RNF128: variants seen among roughly 807,000 people sequenced by gnomAD.
RNF128 encodes E3 ubiquitin-protein ligase RNF128.
RNF128 carries 13 observed loss-of-function variants against 26.2 expected under a neutral mutation model. The observed-to-expected ratio is 0.50, with a 90% CI of 0.32 to 0.79. RNF128 has a LOEUF of 0.79. RNF128 is among the 30% of genes least tolerant of loss of function. The probability of loss-of-function intolerance (pLI) is 0.03; values close to 1 mark genes in which losing one functional copy is unlikely to be tolerated. For synonymous variants in RNF128, 149 were observed against 142.5 expected, an observed-to-expected ratio of 1.05 and a Z score of -0.32; for missense variants, 315 against 349.7, an observed-to-expected ratio of 0.90 and a Z score of 0.79.
Position 106,727,366 on chromosome X carries a change from C to T in RNF128, c.453C>T (p.Thr151=). ...CCGTCATCTTTAACTTCCCCGGGACCCGCAATGAGGTCATCCCCATGTCTC... is the reference window on the plus strand; with the variant it reads ...CCGTCATCTTTAACTTCCCCGGGACTCGCAATGAGGTCATCCCCATGTCTC... ...SGAVIFNFPG[T]RNEVIPMSHP... Residue 151 remains threonine, a synonymous_variant, in exon 1 of 7, where the codon ACC becomes ACT. Transcript: ENST00000255499. 8.3e-7 allele frequency: 1 copy of T among 1,211,575 alleles called. No homozygotes were observed. The highest frequency in any genetic ancestry group is 1.1e-6 in the Non-Finnish European group (1 of 895,421).
At chrX:106,776,412 A>T (rs1371235615) in intron 2 of RNF128, among the ~76,000 whole-genome samples, 1 of 112,087 alleles carries the variant, frequency 8.9e-6, no homozygotes, top group Non-Finnish European at 1.9e-5. Context: ...GAAGAAAAGG[A>T]TTTACTAACT....
intron 1 of RNF128, among the ~76,000 whole-genome samples, chrX:106,765,561 G>C (rs1443136603): frequency 9.0e-6 from 1 of 111,317 alleles, no homozygotes; most frequent in African/African-American, 3.3e-5. Flanking sequence ...GCACTCTCTG[G>C]CAAAATTACC....
chrX:106,787,040 C>T (rs1930669539), intron 3 of RNF128, among the ~76,000 whole-genome samples: 1 of 110,906 alleles, frequency 9.0e-6, no homozygotes. Flanking sequence ...AAATGTTTGG[C>T]AGTTCCTTAT....
intron 1 of RNF128, among the ~76,000 whole-genome samples, chrX:106,764,557 C>T (rs1179504027): frequency 1.8e-5 from 2 of 109,512 alleles, no homozygotes; most frequent in African/African-American, 6.7e-5. Context: ...ATGCCAGCTA[C>T]TCGGGAGGCT....
rs1285405595 is a variant in RNF128 at position 106,785,004 on chromosome X, T to C, written c.733-61T>C. The stretch of plus-strand genomic sequence containing the variant: ...AAATATTTATTGATCCTCTCTATCT[T>C]TTTCATCATACTTCTTTTAAAAAAT... On this transcript the variant is annotated intron_variant, in intron 2 of 6. Transcript: ENST00000255499. 2.0e-5 allele frequency: 17 copies of C among 842,925 alleles called. No individual in the cohort carries two copies. In the East Asian group the frequency reaches 5.1e-4, roughly 25 times the overall value. 69.5% of individuals were successfully genotyped at this position (842,925 alleles called of 1,213,427 possible). A position where few individuals can be genotyped will look rare whatever the true frequency, so the allele number is the denominator to read the frequency against.
intron 1 of RNF128, among the ~76,000 whole-genome samples, chrX:106,696,102 A>T (rs1928869415): frequency 8.9e-6 from 1 of 111,788 alleles, no homozygotes; most frequent in Admixed American, 9.6e-5. Context: ...AAGACACATG[A>T]TCAAAAATAT....
chrX:106,777,701 C>G (rs1034170271), intron 2 of RNF128, among the ~76,000 whole-genome samples: 1 of 111,829 alleles, frequency 8.9e-6, no homozygotes, highest in Non-Finnish European at 1.9e-5. Context: ...AATTTATTTT[C>G]TCTCACACCT....
At chrX:106,761,564 G>A (rs771709094) in intron 1 of RNF128, among the ~76,000 whole-genome samples, 114 of 109,217 alleles carry the variant, frequency 1.0e-3, no homozygotes, top group African/African-American at 3.9e-3. Context: ...TAAAGAAAAT[G>A]TGGTGCAAAT....
At chrX:106,775,996 A>G (rs1272981052) in intron 2 of RNF128, among the ~76,000 whole-genome samples, 1 of 112,526 alleles carries the variant, frequency 8.9e-6, no homozygotes, top group East Asian at 2.8e-4. Context: ...GTAAGAACAC[A>G]TATCATCCCT....
chrX:106,726,762 C>G lies in RNF128; in HGVS notation c.-152C>G. The G allele has an allele frequency of 2.8e-6, 3 of 1,066,652 alleles. No individual in the cohort carries two copies. Among genetic ancestry groups the G allele is most frequent in the Non-Finnish European group, 3.6e-6 (3 of 831,486 alleles). 87.9% of individuals were successfully genotyped at this position (1,066,652 alleles called of 1,213,427 possible). On this transcript the variant is annotated 5_prime_UTR_variant, in exon 1 of 7. Coordinates refer to ENST00000255499, the MANE Select transcript of RNF128 (RefSeq NM_194463.2). ...ATCTGCGGCAACCTGTGTGCTGACGCTACGTGCCTCCTGGCTCCGACGTAG... is the reference window on the plus strand; with the variant it reads ...ATCTGCGGCAACCTGTGTGCTGACGGTACGTGCCTCCTGGCTCCGACGTAG...
At chrX:106,744,739 G>A (rs1051078244) in intron 1 of RNF128, among the ~76,000 whole-genome samples, 1 of 111,587 alleles carries the variant, frequency 9.0e-6, no homozygotes. Flanking sequence ...GATTACAGGC[G>A]TGAGCCACCA....
chrX:106,739,168 CTT>C (rs972061858), intron 1 of RNF128, among the ~76,000 whole-genome samples: 2 of 106,848 alleles, frequency 1.9e-5, no homozygotes, highest in Non-Finnish European at 3.9e-5. Flanking sequence ...TTCTTTCTGA[CTT>C]TTTTTTTGAG....
At chrX:106,708,279 C>G (rs1300295672) in intron 1 of RNF128, among the ~76,000 whole-genome samples, 1 of 111,925 alleles carries the variant, frequency 8.9e-6, no homozygotes, top group African/African-American at 3.3e-5. Context: ...ATATAAAGCT[C>G]TGGCAGTAGG....
chrX:106,697,946 A>G (rs1280912226), intron 1 of RNF128, among the ~76,000 whole-genome samples: 2 of 108,312 alleles, frequency 1.8e-5, no homozygotes, highest in Non-Finnish European at 3.8e-5. Context: ...ATATATACAT[A>G]TATTTTCATA....
intron 1 of RNF128, among the ~76,000 whole-genome samples, chrX:106,704,159 G>C (rs1007465934): frequency 9.1e-6 from 1 of 110,484 alleles, no homozygotes; most frequent in African/African-American, 3.3e-5. Flanking sequence ...GAGTAGGCCG[G>C]GCGCGGTGGC....
At chrX:106,702,504 ACT>A (rs1928975463) in intron 1 of RNF128, among the ~76,000 whole-genome samples, 1 of 110,960 alleles carries the variant, frequency 9.0e-6, no homozygotes, top group Non-Finnish European at 1.9e-5. Flanking sequence ...CCTCTTAAGT[ACT>A]CTCTGTCGCT....
intron 4 of RNF128, among the ~76,000 whole-genome samples, chrX:106,788,225 C>T (rs966591301): frequency 7.1e-5 from 6 of 84,297 alleles, no homozygotes; most frequent in African/African-American, 2.2e-4. Flanking sequence ...TTGTTCTAAA[C>T]TAATTCCATA....
At chrX:106,693,928 C>T (rs1163911997) in exon 1 of RNF128, 4 of 942,823 alleles carry the variant, frequency 4.2e-6, no homozygotes, top group East Asian at 6.2e-5. Context: ...TCAGCAGGGA[C>T]GTGAGTGGAC....
At chrX:106,771,712 G>A (rs758416725) in intron 1 of RNF128, among the ~76,000 whole-genome samples, 63 of 112,799 alleles carry the variant, frequency 5.6e-4, no homozygotes, top group Non-Finnish European at 9.8e-4. Flanking sequence ...TGGGTGAGGC[G>A]ATGGCCTGCC....
Sources: gnomAD v4.1 joint callset for allele counts (sites outside exome capture counted in the v4.1 genomes callset) on GRCh38, gnomAD v4.1.1 for gene constraint, MANE v1.5 for transcripts, NCBI Gene and HGNC (gene_info 2026-07-23, HGNC 2026-07-21) for gene names.